CSMD3: variants seen among roughly 807,000 people sequenced by gnomAD.
CSMD3 encodes CUB and Sushi multiple domains 3.
CSMD3 carries 177 observed loss-of-function variants against 435.2 expected under a neutral mutation model. The ratio of observed to expected loss-of-function variants is 0.41; its 90% confidence interval spans 0.36 to 0.46. The LOEUF (loss-of-function observed/expected upper bound fraction) is 0.46, where lower values mean the gene tolerates loss of function less well. Among genes scored for constraint, CSMD3 ranks in the 20% least tolerant of loss-of-function variants. The probability of loss-of-function intolerance (pLI) is 0.34; values close to 1 mark genes in which losing one functional copy is unlikely to be tolerated. For missense variants in CSMD3, 4,265 were observed against 4,504.6 expected (o/e 0.95, Z 1.52); for synonymous variants, 1,656 against 1,520.5 (o/e 1.09, Z -2.07).
intron 59 of CSMD3, 56 bp from the exon 60 acceptor site, chr8:112,265,646 A>G (rs941184169): frequency 1.3e-5 from 16 of 1,204,126 alleles, no homozygotes; most frequent in Non-Finnish European, 1.9e-5. Context: ...TTTAATGGAG[A>G]GGAGTAGTAA....
intron 52 of CSMD3, among the ~76,000 whole-genome samples, chr8:112,303,905 A>G (rs1467378197): frequency 1.3e-5 from 2 of 152,126 alleles, no homozygotes; most frequent in East Asian, 3.9e-4. Context: ...AATATATACC[A>G]TAGAGTTGTG....
intron 3 of CSMD3, among the ~76,000 whole-genome samples, chr8:113,255,277 A>G (rs1407508536): frequency 2.0e-5 from 3 of 152,134 alleles, no homozygotes; most frequent in African/African-American, 4.8e-5. Context: ...TTACTTACAT[A>G]TAATAAAGAC....
intron 1 of CSMD3, among the ~76,000 whole-genome samples, chr8:113,361,716 A>C (rs993302753): frequency 1.0e-4 from 2 of 19,532 alleles, no homozygotes; most frequent in African/African-American, 8.4e-4. Context: ...TACATGTGAA[A>C]TTGTAATTTT....
At chr8:113,012,481 T>C (rs1285116450) in intron 6 of CSMD3, among the ~76,000 whole-genome samples, 1 of 151,894 alleles carries the variant, frequency 6.6e-6, no homozygotes, top group Non-Finnish European at 1.5e-5. Context: ...GTAATCCCGA[T>C]ATGTTAAGAG....
chr8:113,436,557 C>CTTT (rs1554639548), intron 1 of CSMD3, 120 bp downstream of exon 1: 21 of 944,414 alleles, frequency 2.2e-5, no homozygotes, highest in Non-Finnish European at 3.5e-5. Context: ...TGAATCAACT[C>CTTT]CTTTAGTATT....
At chr8:112,557,674 G>C (rs1206625274) in intron 24 of CSMD3, among the ~76,000 whole-genome samples, 9 of 151,912 alleles carry the variant, frequency 5.9e-5, no homozygotes, top group Non-Finnish European at 1.2e-4. Flanking sequence ...CATGCTAGAA[G>C]GGTGATATAC....
At chr8:112,477,951 G>T (rs1377073880) in intron 31 of CSMD3, among the ~76,000 whole-genome samples, 1 of 152,134 alleles carries the variant, frequency 6.6e-6, no homozygotes, top group African/African-American at 2.4e-5. Context: ...ACTGAATCAT[G>T]GGGTCAAGGC....
At chr8:113,419,939 T>C (rs1271606426) in intron 1 of CSMD3, among the ~76,000 whole-genome samples, 1 of 152,120 alleles carries the variant, frequency 6.6e-6, no homozygotes, top group Non-Finnish European at 1.5e-5. Context: ...GTCACAAATA[T>C]CTAATTAAAA....
intron 18 of CSMD3, among the ~76,000 whole-genome samples, chr8:112,651,695 T>C (rs56861329): frequency 6.6e-6 from 1 of 151,718 alleles, no homozygotes; most frequent in Non-Finnish European, 1.5e-5. Flanking sequence ...ATGCCACCAT[T>C]CCCGGCTAAT....
intron 6 of CSMD3, 42 bp downstream of exon 6, chr8:113,019,025 A>G: frequency 8.0e-7 from 1 of 1,257,720 alleles, no homozygotes; most frequent in Non-Finnish European, 1.2e-6. Flanking sequence ...CACCAAAATT[A>G]TTTTACATAT....
At chr8:112,847,820 T>C (rs2129668320) in intron 11 of CSMD3, among the ~76,000 whole-genome samples, 1 of 152,222 alleles carries the variant, frequency 6.6e-6, no homozygotes, top group East Asian at 1.9e-4. Context: ...GTGTTACAGG[T>C]GAGTTCAAGA....
chr8:113,400,429 T>A (rs2094504726), intron 1 of CSMD3, among the ~76,000 whole-genome samples: 1 of 152,018 alleles, frequency 6.6e-6, no homozygotes, highest in Admixed American at 6.6e-5. Flanking sequence ...TTTCCCCCAT[T>A]GTTTTTTGCA....
intron 32 of CSMD3, among the ~76,000 whole-genome samples, chr8:112,471,215 A>G (rs1818489590): frequency 6.6e-6 from 1 of 152,168 alleles, no homozygotes; most frequent in African/African-American, 2.4e-5. Flanking sequence ...GTATAATACG[A>G]TAAATTAATG....
rs547734303 is a variant in CSMD3, at chr8:113,018,998, C to G, written c.1030+69G>C. On this transcript the variant is annotated intron_variant, in intron 6 of 70. Transcript: ENST00000297405. Reference sequence around the variant, plus strand: ...AAATGCTAAAGACATTTTTCTATCACAAAACATAGTTGTGTACACCAAAAT... The same window carrying G: ...AAATGCTAAAGACATTTTTCTATCAGAAAACATAGTTGTGTACACCAAAAT... 8 of 1,030,496 alleles carry G rather than the reference C, an allele frequency of 7.8e-6. No individual in the cohort carries two copies. The East Asian group carries it at 1.9e-4, about 24-fold the overall frequency. The allele number at this position is 1,030,496 out of a possible 1,614,324, so 63.8% of individuals were successfully genotyped here.
chr8:112,895,427 T>C (rs957558187), intron 10 of CSMD3, among the ~76,000 whole-genome samples: 1 of 151,100 alleles, frequency 6.6e-6, no homozygotes, highest in African/African-American at 2.4e-5. Flanking sequence ...CAAAGCAAAA[T>C]TCTGAGAAAA....
At chr8:112,437,230 T>C (rs1032706797) in intron 32 of CSMD3, among the ~76,000 whole-genome samples, 2 of 146,692 alleles carry the variant, frequency 1.4e-5, no homozygotes, top group African/African-American at 5.2e-5. Context: ...CAGATGTAAA[T>C]CACTAGGTTT....
chr8:112,978,753 T>C (rs2084942521), intron 6 of CSMD3, among the ~76,000 whole-genome samples: 1 of 151,974 alleles, frequency 6.6e-6, no homozygotes, highest in Non-Finnish European at 1.5e-5. Context: ...ATTGTGTTCA[T>C]ATTCTTTCCA....
chr8:112,556,621 T>C (rs929886307), intron 25 of CSMD3, 142 bp downstream of exon 25: 2 of 639,540 alleles, frequency 3.1e-6, no homozygotes, highest in Admixed American at 2.9e-5. Context: ...AATTTTCTTT[T>C]GACAAATTCA....
At chr8:112,501,813 T>C (rs907819525) in intron 30 of CSMD3, among the ~76,000 whole-genome samples, 6 of 152,156 alleles carry the variant, frequency 3.9e-5, no homozygotes, top group Non-Finnish European at 8.8e-5. Flanking sequence ...AGCAGAAAAA[T>C]TTATATATTA....
Sources: gnomAD v4.1 joint callset for allele counts (sites outside exome capture counted in the v4.1 genomes callset) on GRCh38, gnomAD v4.1.1 for gene constraint, MANE v1.5 for transcripts, NCBI Gene and HGNC (gene_info 2026-07-23, HGNC 2026-07-21) for gene names.